GREM2: variants seen among roughly 807,000 people sequenced by gnomAD.
GREM2 encodes the protein gremlin-2.
A neutral mutation model predicts 14.2 loss-of-function variants in GREM2; 11 were observed. That is an observed-to-expected ratio of 0.78 (90% CI 0.49 to 1.28). The LOEUF is 1.28. Among genes scored for constraint, GREM2 ranks in the 50% most tolerant of loss-of-function variants. GREM2 has a pLI of 0.00. For missense variants in GREM2, 210 were observed against 218.5 expected, an observed-to-expected ratio of 0.96 and a Z score of 0.24; for synonymous variants, 98 against 97.6, an observed-to-expected ratio of 1.00 and a Z score of -0.02.
At chr1:240,532,360 A>G (rs1233717525) in intron 1 of GREM2, among the ~76,000 whole-genome samples, 1 of 152,180 alleles carries the variant, frequency 6.6e-6, no homozygotes, top group East Asian at 1.9e-4. Flanking sequence ...CTGGGATTAC[A>G]GGTGTGAGCC....
intron 1 of GREM2, among the ~76,000 whole-genome samples, chr1:240,523,709 G>A (rs937249056): frequency 6.6e-6 from 1 of 151,972 alleles, no homozygotes; most frequent in African/African-American, 2.4e-5. Context: ...GTGCAGGATT[G>A]CAATGAAAAA....
chr1:240,576,005 C>A (rs1679366980), intron 1 of GREM2, among the ~76,000 whole-genome samples: 1 of 151,704 alleles, frequency 6.6e-6, no homozygotes, highest in Non-Finnish European at 1.5e-5. Flanking sequence ...AGAAATGTGC[C>A]CAAAATAAGA....
intron 1 of GREM2, among the ~76,000 whole-genome samples, chr1:240,500,187 T>A (rs1160949176): frequency 6.6e-6 from 1 of 152,198 alleles, no homozygotes; most frequent in African/African-American, 2.4e-5. Context: ...TGCTCTCCTA[T>A]CTCCTCATCC....
intron 1 of GREM2, among the ~76,000 whole-genome samples, chr1:240,554,567 T>C (rs1678917410): frequency 6.6e-6 from 1 of 152,160 alleles, no homozygotes; most frequent in Admixed American, 6.5e-5. Context: ...CAATGTTTTT[T>C]CATAAGTAGG....
intron 1 of GREM2, among the ~76,000 whole-genome samples, chr1:240,591,732 G>A (rs1274196986): frequency 6.6e-6 from 1 of 152,136 alleles, no homozygotes; most frequent in East Asian, 1.9e-4. Context: ...TGAAAAGTGA[G>A]GGAGTTTTTT....
At chr1:240,591,158 A>G (rs1424620926) in intron 1 of GREM2, among the ~76,000 whole-genome samples, 1 of 152,128 alleles carries the variant, frequency 6.6e-6, no homozygotes, top group Non-Finnish European at 1.5e-5. Context: ...CCCCATCAAA[A>G]GAAGCACTCG....
At position 240,580,540 on chromosome 1, in the gene GREM2, A is replaced by G. The variant is rs1679464421; in HGVS notation, c.-2+31344T>C. Among the ~76,000 whole-genome samples the G allele has an allele frequency of 2.0e-5, 3 of 152,170 alleles. No individual in the cohort carries two copies. The South Asian group carries it at 6.2e-4, about 32-fold the overall frequency. ...TTGTTAATTACTGCTGGTAGACGTT[A>G]CCTTCTGTGCAACATTTAGTTGAAA... On this transcript the variant is annotated intron_variant, in intron 1 of 1. Coordinates refer to ENST00000318160, the MANE Select transcript of GREM2 (RefSeq NM_022469.4).
At position 240,552,816 on chromosome 1, in the gene GREM2, C is replaced by T. The variant is rs143952785; in HGVS notation, c.-2+59068G>A. ...TGTACTTGAAAGTTTTTGAAACATG[C>T]TGTAAGGTGATAAAACATTAAAACA... On this transcript the variant is annotated intron_variant, in intron 1 of 1. Coordinates refer to ENST00000318160, the MANE Select transcript of GREM2 (RefSeq NM_022469.4). Among the ~76,000 whole-genome samples the T allele has an allele frequency of 3.1e-3, 467 of 152,280 alleles. 2 individuals carry two copies. The highest frequency in any genetic ancestry group is 0.011 in the African/African-American group (449 of 41,558).
At position 240,543,426 on chromosome 1, in the gene GREM2, G is replaced by T. The variant is rs979416123; in HGVS notation, c.-1-49950C>A. ...TACATGGTGGTAAGCAGGAGAGTTTGTTCAGGGGAACTCCCATATATAAAA... is the reference window on the plus strand; with the variant it reads ...TACATGGTGGTAAGCAGGAGAGTTTTTTCAGGGGAACTCCCATATATAAAA... On this transcript the variant is annotated intron_variant, in intron 1 of 1. Transcript: ENST00000318160. The surrounding 1 kb of genome is among the most constrained non-coding windows in gnomAD (Gnocchi z 6.4). Among the ~76,000 whole-genome samples, 2 of 152,200 alleles carry T rather than the reference G, an allele frequency of 1.3e-5. No individual in the cohort carries two copies. The highest frequency in any genetic ancestry group is 2.4e-5 in the African/African-American group (1 of 41,464).
intron 1 of GREM2, among the ~76,000 whole-genome samples, chr1:240,547,607 A>G (rs1678767972): frequency 6.6e-6 from 1 of 151,292 alleles, no homozygotes; most frequent in Non-Finnish European, 1.5e-5. Flanking sequence ...GAGGGAGTAG[A>G]GGTGGAGAAG....
chr1:240,526,830 G>A (rs947942337), intron 1 of GREM2, among the ~76,000 whole-genome samples: 11 of 152,284 alleles, frequency 7.2e-5, no homozygotes, highest in Admixed American at 3.9e-4. Context: ...TTTGGATGTC[G>A]CCAGGTTAAA....
At position 240,523,699 on chromosome 1, in the gene GREM2, G is replaced by A. The variant is rs754871027; in HGVS notation, c.-1-30223C>T. ...ATGTGTGTGTGTTATTTGCCACTAC[G>A]TGCAGGATTGCAATGAAAAATCTTA... On this transcript the variant is annotated intron_variant, in intron 1 of 1. Transcript: ENST00000318160. 5.3e-5 allele frequency among the ~76,000 whole-genome samples: 8 copies of A among 152,060 alleles called. No homozygotes were observed. The South Asian group carries it at 1.0e-3, about 20-fold the overall frequency.
At chr1:240,555,671 T>G (rs1243338644) in intron 1 of GREM2, among the ~76,000 whole-genome samples, 1 of 152,210 alleles carries the variant, frequency 6.6e-6, no homozygotes, top group Non-Finnish European at 1.5e-5. Flanking sequence ...TGGATGTAGA[T>G]GATACAGTTA....
At position 240,540,230 on chromosome 1, in the gene GREM2, C is replaced by G. The variant is rs1025430897; in HGVS notation, c.-1-46754G>C. On this transcript the variant is annotated intron_variant, in intron 1 of 1. Coordinates refer to ENST00000318160, the MANE Select transcript of GREM2 (RefSeq NM_022469.4). This position sits in a 1 kb window ranked among gnomAD's most constrained non-coding sequence, Gnocchi z 4.2. ...TGAGTGAGGGTCCGTAATGACAGAGCCTCCTACACAGCACATTTGCTAGCT... is the reference window on the plus strand; with the variant it reads ...TGAGTGAGGGTCCGTAATGACAGAGGCTCCTACACAGCACATTTGCTAGCT... 6.6e-6 allele frequency among the ~76,000 whole-genome samples: 1 copy of G among 152,184 alleles called. No homozygotes were observed. Among genetic ancestry groups the G allele is most frequent in the Non-Finnish European group, 1.5e-5 (1 of 68,036 alleles).
intron 1 of GREM2, among the ~76,000 whole-genome samples, chr1:240,610,242 C>G (rs1217968218): frequency 6.6e-6 from 1 of 152,098 alleles, no homozygotes; most frequent in Non-Finnish European, 1.5e-5. Flanking sequence ...GGTCGATTAA[C>G]TTATATTTAT....
chr1:240,510,242 C>A (rs1056033248), intron 1 of GREM2, among the ~76,000 whole-genome samples: 39 of 151,664 alleles, frequency 2.6e-4, no homozygotes, highest in South Asian at 6.3e-4. Context: ...TGGTGGCGGG[C>A]GCCTGTAGTC....
intron 1 of GREM2, among the ~76,000 whole-genome samples, chr1:240,498,045 T>C (rs1677470821): frequency 6.6e-6 from 1 of 152,130 alleles, no homozygotes; most frequent in African/African-American, 2.4e-5. Flanking sequence ...GACTCAAAAA[T>C]GCACGCTTTC....
intron 1 of GREM2, among the ~76,000 whole-genome samples, chr1:240,520,731 C>T (rs959305143): frequency 2.0e-5 from 3 of 151,716 alleles, no homozygotes; most frequent in African/African-American, 4.8e-5. Flanking sequence ...TTAGTAGAGA[C>T]GAGATTTCAC....
rs1405623879 is a variant in GREM2, at chr1:240,543,109, T to C, written c.-1-49633A>G. 1.3e-5 allele frequency among the ~76,000 whole-genome samples: 2 copies of C among 152,220 alleles called. No homozygotes were observed. Among genetic ancestry groups the C allele is most frequent in the Non-Finnish European group, 2.9e-5 (2 of 68,034 alleles). ...CAAAAGCATTTCCTCGATCACTCTG[T>C]CATGATTATTTGACTATTATTTTAC... On this transcript the variant is annotated intron_variant, in intron 1 of 1. Transcript: ENST00000318160. The surrounding 1 kb of genome is among the most constrained non-coding windows in gnomAD (Gnocchi z 6.4).
Sources: allele counts gnomAD v4.1 joint callset (sites outside exome capture counted in the v4.1 genomes callset), GRCh38; gene constraint gnomAD v4.1.1; non-coding constraint Gnocchi (gnomAD v3.1); transcripts MANE v1.5; gene names NCBI Gene and HGNC (gene_info 2026-07-23, HGNC 2026-07-21).